The following DISC1 variants were observed in gnomAD, a reference collection of about 807,000 sequenced individuals.
DISC1 encodes the protein disrupted in schizophrenia 1 protein.
In DISC1, 57 loss-of-function variants were observed where a neutral mutation model predicts 84.5. The ratio of observed to expected loss-of-function variants is 0.67; its 90% confidence interval spans 0.55 to 0.84. DISC1 has a LOEUF of 0.84. Among genes scored for constraint, DISC1 ranks in the 40% least tolerant of loss-of-function variants. The pLI is 0.00. For missense variants in DISC1, 1,000 were observed against 1,057.8 expected (o/e 0.95, Z 0.76); for synonymous variants, 411 against 415.2 (o/e 0.99, Z 0.12).
intron 10 of DISC1, among the ~76,000 whole-genome samples, chr1:231,990,760 C>T (rs1050348909): frequency 1.3e-5 from 2 of 152,224 alleles, no homozygotes; most frequent in South Asian, 4.1e-4. Flanking sequence ...GGCTGCAGGC[C>T]ACTAGCTCTG....
intron 10 of DISC1, among the ~76,000 whole-genome samples, chr1:231,968,565 C>T (rs1427071953): frequency 2.0e-5 from 3 of 148,248 alleles, no homozygotes; most frequent in African/African-American, 7.5e-5. Flanking sequence ...GCACTCCAGC[C>T]TGGGCGACAG....
intron 9 of DISC1, among the ~76,000 whole-genome samples, chr1:231,899,403 G>A (rs2087971207): frequency 6.6e-6 from 1 of 152,178 alleles, no homozygotes; most frequent in Admixed American, 6.5e-5. Context: ...GCCTTTGGGT[G>A]GGTGTGGGCC....
intron 8 of DISC1, 67 bp downstream of exon 8, chr1:231,800,277 GT>G: frequency 8.0e-7 from 1 of 1,242,644 alleles, no homozygotes; most frequent in Non-Finnish European, 1.2e-6. Context: ...AGCACATCGT[GT>G]TTTGTCCTCG....
At chr1:231,792,800 T>G (rs943366725) in intron 6 of DISC1, among the ~76,000 whole-genome samples, 13 of 152,160 alleles carry the variant, frequency 8.5e-5, no homozygotes, top group South Asian at 6.2e-4. Context: ...TCTCAAAAGA[T>G]CCAATCCCTG....
chr1:231,668,840 GCCATGGATCAGATTACTGC>G lies in DISC1; in HGVS notation c.68-24982_68-24964del, dbSNP rs1175658491. Among the ~76,000 whole-genome samples the G allele has an allele frequency of 4.6e-5, 7 of 152,282 alleles. No homozygotes were observed. In the East Asian group the frequency reaches 1.4e-3, roughly 29 times the overall value. On this transcript the variant is annotated intron_variant, in intron 1 of 12. Transcript: ENST00000439617. ...GCTTTCCACGGAGCTTGAGAGATGG[GCCATGGATCAGATTACTGC>G]CCACTGTGACAGACAACACACAATT...
intron 9 of DISC1, among the ~76,000 whole-genome samples, chr1:231,835,730 T>C (rs1158492950): frequency 6.6e-6 from 1 of 152,194 alleles, no homozygotes; most frequent in Admixed American, 6.5e-5. Context: ...ATAATATGGT[T>C]ATCAATCATT....
chr1:231,646,610 T>A (rs1455859168), intron 1 of DISC1, among the ~76,000 whole-genome samples: 1 of 152,222 alleles, frequency 6.6e-6, no homozygotes, highest in Admixed American at 6.5e-5. Context: ...GTATTTCTAG[T>A]TCTAGATCCT....
At chr1:231,828,909 CAAGTTTCTGTATATGGG>C (rs2082039332) in intron 9 of DISC1, among the ~76,000 whole-genome samples, 1 of 151,798 alleles carries the variant, frequency 6.6e-6, no homozygotes, top group Non-Finnish European at 1.5e-5. Flanking sequence ...CAGAGTGGCT[CAAGTTTCTGTATATGGG>C]AAGTAAAGAA....
intron 9 of DISC1, among the ~76,000 whole-genome samples, chr1:231,871,507 T>C (rs1320911405): frequency 1.3e-5 from 2 of 152,222 alleles, no homozygotes; most frequent in Admixed American, 1.3e-4. Context: ...GTGTCGTTGA[T>C]GTGGAAGTGC....
intron 10 of DISC1, among the ~76,000 whole-genome samples, chr1:232,004,560 TAATAA>T (rs1265385924): frequency 1.3e-5 from 2 of 152,154 alleles, no homozygotes; most frequent in African/African-American, 4.8e-5. Context: ...ACTGAAGTGG[TAATAA>T]AATGTCTCCT....
chr1:232,004,886 T>G (rs1667165774), intron 10 of DISC1, among the ~76,000 whole-genome samples: 2 of 69,824 alleles, frequency 2.9e-5, no homozygotes, highest in African/African-American at 5.9e-5. Context: ...CCTCCCTCCC[T>G]TCCTTCCTTC....
At chr1:232,028,723 C>T (rs187752213) in intron 12 of DISC1, among the ~76,000 whole-genome samples, 1 of 152,280 alleles carries the variant, frequency 6.6e-6, no homozygotes. Context: ...GTCCATTTGT[C>T]TCACAGTTCT....
intron 4 of DISC1, among the ~76,000 whole-genome samples, chr1:231,756,692 G>A (rs1344753526): frequency 6.6e-6 from 1 of 152,092 alleles, no homozygotes; most frequent in African/African-American, 2.4e-5. Context: ...GTCATTTCTG[G>A]TCCTTTCTCT....
At chr1:231,769,236 T>C (rs1269592724) in intron 5 of DISC1, among the ~76,000 whole-genome samples, 3 of 152,182 alleles carry the variant, frequency 2.0e-5, no homozygotes, top group Non-Finnish European at 4.4e-5. Flanking sequence ...ATTGATTGAC[T>C]GTGTGGTCCA....
intron 9 of DISC1, among the ~76,000 whole-genome samples, chr1:231,947,415 T>C (rs1293701938): frequency 6.6e-6 from 1 of 152,184 alleles, no homozygotes; most frequent in African/African-American, 2.4e-5. Flanking sequence ...TTCAGAAAAC[T>C]GAAACTGGAC....
intron 10 of DISC1, among the ~76,000 whole-genome samples, chr1:231,988,114 A>C (rs1664708441): frequency 6.6e-6 from 1 of 152,118 alleles, no homozygotes; most frequent in South Asian, 2.1e-4. Context: ...TGAACCTGGG[A>C]GGCAGAGGTT....
chr1:231,766,288 T>TAAAAAA lies in DISC1; in HGVS notation c.1269-838_1269-833dup, dbSNP rs61578768. ...CTGGGTGTCGCAGTAAGACATTATC[T>TAAAAAA]AAAAAAAAAAAAAAAAAAACAAAAT... On this transcript the variant is annotated intron_variant, in intron 4 of 12. Transcript: ENST00000439617. 1.1e-4 allele frequency among the ~76,000 whole-genome samples: 12 copies of TAAAAAA among 106,052 alleles called. No homozygotes were observed. The South Asian group carries it at 2.4e-3, about 21-fold the overall frequency. The allele number at this position is 106,052 out of a possible 152,430, so 69.6% of individuals were successfully genotyped here. A position where few individuals can be genotyped will look rare whatever the true frequency, so the allele number is the denominator to read the frequency against.
chr1:231,696,612 G>A (rs1404645862), intron 2 of DISC1, among the ~76,000 whole-genome samples: 1 of 152,284 alleles, frequency 6.6e-6, no homozygotes, highest in Admixed American at 6.5e-5. Flanking sequence ...GGCCAATGAC[G>A]GATCACATAT....
chr1:231,814,350 T>C (rs1486182679), intron 8 of DISC1, among the ~76,000 whole-genome samples: 1 of 152,192 alleles, frequency 6.6e-6, no homozygotes, highest in Non-Finnish European at 1.5e-5. Context: ...CATTATTTTA[T>C]ACATTGCAAA....
Sources: gnomAD v4.1 joint callset for allele counts (sites outside exome capture counted in the v4.1 genomes callset) on GRCh38, gnomAD v4.1.1 for gene constraint, MANE v1.5 for transcripts, NCBI Gene and HGNC (gene_info 2026-07-23, HGNC 2026-07-21) for gene names.